C8A: variants seen among roughly 807,000 people sequenced by gnomAD.
The protein encoded by C8A is complement C8 alpha chain.
Under a neutral mutation model 65.3 loss-of-function variants are expected in C8A, and 67 were observed. That is an observed-to-expected ratio of 1.03 (90% CI 0.84 to 1.26). The LOEUF (loss-of-function observed/expected upper bound fraction) is 1.26, where lower values mean the gene tolerates loss of function less well. C8A is among the 50% of genes most tolerant of loss of function. The pLI is 0.00. For missense variants in C8A, 781 were observed against 723.9 expected (o/e 1.08, Z -0.90); for synonymous variants, 290 against 259.4 (o/e 1.12, Z -1.13).
chr1:56,860,301 A>T (rs1396903506), intron 1 of C8A, among the ~76,000 whole-genome samples: 1 of 152,126 alleles, frequency 6.6e-6, no homozygotes, highest in African/African-American at 2.4e-5. Context: ...ATGTTTGAGA[A>T]CTGAAGGATG....
intron 7 of C8A, among the ~76,000 whole-genome samples, chr1:56,898,474 T>C (rs1223107027): frequency 1.3e-5 from 2 of 152,140 alleles, no homozygotes; most frequent in African/African-American, 4.8e-5. Context: ...TCTCCTTGAT[T>C]TGCATATGCT....
intron 7 of C8A, among the ~76,000 whole-genome samples, chr1:56,891,966 A>AT (rs1020486941): frequency 2.8e-4 from 43 of 152,224 alleles, no homozygotes; most frequent in African/African-American, 1.0e-3. Flanking sequence ...TCCTTGGGGT[A>AT]TTTTTTGTAT....
chr1:56,906,133 A>T (rs929804483), intron 7 of C8A, among the ~76,000 whole-genome samples: 2 of 152,208 alleles, frequency 1.3e-5, no homozygotes, highest in African/African-American at 4.8e-5. Flanking sequence ...AATTGTGATG[A>T]AGATGATCAT....
Position 56,912,439 on chromosome 1 carries a change from C to G in C8A, c.1417C>G (p.Leu473Val). The G allele has an allele frequency of 3.1e-6, 5 of 1,614,216 alleles. No individual in the cohort carries two copies. The highest frequency in any genetic ancestry group is 1.3e-5 in the African/African-American group (1 of 75,072). ...PIHEVLRHTS[L>V]GPLEAKRQNL... Reference sequence around the variant, plus strand: ...CCACGAGGTGCTGCGGCACACAAGCCTGGGGCCTCTGGAGGCCAAGCGCCA... The same window carrying G: ...CCACGAGGTGCTGCGGCACACAAGCGTGGGGCCTCTGGAGGCCAAGCGCCA... The change falls in exon 10 of 11, where the codon CTG becomes GTG. Residue 473 changes from leucine (L) to valine (V), a missense_variant. Coordinates refer to ENST00000361249, the MANE Select transcript of C8A (RefSeq NM_000562.3).
In C8A at chr1:56,918,038, G is replaced by A. The variant is rs1485593489; in HGVS notation, c.*322G>A. The A allele has an allele frequency of 3.7e-6, 1 of 267,004 alleles. No homozygotes were observed. Among genetic ancestry groups the A allele is most frequent in the Non-Finnish European group, 7.2e-6 (1 of 138,724 alleles). The allele number at this position is 267,004 out of a possible 1,614,324, so 16.5% of individuals were successfully genotyped here. A position where few individuals can be genotyped will look rare whatever the true frequency, so the allele number is the denominator to read the frequency against. Reference sequence around the variant, plus strand: ...AATCCATGACCAGGGAGAACTTACAGGATGTTAGAGACAAAACAAGCAGAC... The same window carrying A: ...AATCCATGACCAGGGAGAACTTACAAGATGTTAGAGACAAAACAAGCAGAC... On this transcript the variant is annotated 3_prime_UTR_variant, in exon 11 of 11. Coordinates refer to ENST00000361249, the MANE Select transcript of C8A (RefSeq NM_000562.3).
At position 56,881,478 on chromosome 1, in the gene C8A, T is replaced by C; in HGVS notation, c.498T>C (p.Ser166=). Residue 166 remains serine, a synonymous_variant, in exon 5 of 11, where the codon AGT becomes AGC. Coordinates refer to ENST00000361249, the MANE Select transcript of C8A (RefSeq NM_000562.3). ...TCCTGACCCAGGAAGATGCTCAGAG[T>C]GTGTACGATGCCAGTTATTATGGGG... ...YNILTQEDAQ[S]VYDASYYGGQ... The C allele has an allele frequency of 1.2e-6, 2 of 1,613,600 alleles. No homozygotes were observed. The highest frequency in any genetic ancestry group is 2.2e-5 in the South Asian group (2 of 91,058).
chr1:56,899,704 CA>C (rs2101282296), intron 7 of C8A, among the ~76,000 whole-genome samples: 1 of 152,274 alleles, frequency 6.6e-6, no homozygotes, highest in East Asian at 1.9e-4. Context: ...AATCAGGAGC[CA>C]AAAGCCTCAG....
rs1644264572 is a variant in C8A at position 56,883,546 on chromosome 1, TA to T, written c.726del (p.Asp243ThrfsTer8). The stretch of plus-strand genomic sequence containing the variant: ...ATGCAAATGACCTTCTTTCCAAAGT[TA>T]AAAAAGACAAGTCTGACTCATTTGG... ...DNANDLLSKV[K>X]KDKSDSFGVT... On this transcript the variant is annotated frameshift_variant, in exon 6 of 11. Coordinates refer to ENST00000361249, the MANE Select transcript of C8A (RefSeq NM_000562.3). LOFTEE classifies it high-confidence loss of function. 1 of 1,613,996 alleles carries T rather than the reference TA, an allele frequency of 6.2e-7. No individual in the cohort carries two copies. Among genetic ancestry groups the T allele is most frequent in the Non-Finnish European group, 8.5e-7 (1 of 1,179,940 alleles).
At position 56,865,650 on chromosome 1, in the gene C8A, T is replaced by A. The variant is rs1001096530; in HGVS notation, c.78-1959T>A. Reference sequence around the variant, plus strand: ...AAAAAACTACCAAACTATGGTTATTTGGGCTTAGATATTTGGCATGCATTG... The same window carrying A: ...AAAAAACTACCAAACTATGGTTATTAGGGCTTAGATATTTGGCATGCATTG... On this transcript the variant is annotated intron_variant, in intron 1 of 10. Coordinates refer to ENST00000361249, the MANE Select transcript of C8A (RefSeq NM_000562.3). Among the ~76,000 whole-genome samples the A allele has an allele frequency of 2.0e-5, 3 of 152,318 alleles. No homozygotes were observed. The East Asian group carries it at 5.8e-4, about 29-fold the overall frequency.
At chr1:56,894,949 A>G (rs1413032178) in intron 7 of C8A, among the ~76,000 whole-genome samples, 1 of 152,066 alleles carries the variant, frequency 6.6e-6, no homozygotes, top group Non-Finnish European at 1.5e-5. Context: ...GTTTTAATAC[A>G]ATGTTTTTGC....
At chr1:56,868,495 A>G (rs1355185843) in intron 2 of C8A, among the ~76,000 whole-genome samples, 2 of 151,758 alleles carry the variant, frequency 1.3e-5, no homozygotes, top group Non-Finnish European at 2.9e-5. Flanking sequence ...GTGCACACCC[A>G]CAGTCCCAGC....
chr1:56,860,950 T>C (rs1644028032), intron 1 of C8A, among the ~76,000 whole-genome samples: 1 of 152,124 alleles, frequency 6.6e-6, no homozygotes, highest in Non-Finnish European at 1.5e-5. Flanking sequence ...AAGAAAAAAG[T>C]GGTTCACAGA....
In C8A at chr1:56,883,441, C is replaced by G. The variant is rs116563412; in HGVS notation, c.655-40C>G. 2,378 of 1,517,332 alleles carry G rather than the reference C, an allele frequency of 1.6e-3. 44 individuals are homozygous for G. The African/African-American group carries it at 0.029, about 18-fold the overall frequency. The allele number at this position is 1,517,332 out of a possible 1,614,324, so 94.0% of individuals were successfully genotyped here. A position where few individuals can be genotyped will look rare whatever the true frequency, so the allele number is the denominator to read the frequency against. ...ATTAAATATGAATTGAGAAATGGCT[C>G]TATGTGCACAAAGCTAATATCTATC... On this transcript the variant is annotated intron_variant, in intron 5 of 10. Transcript: ENST00000361249.
At chr1:56,874,899 G>A in intron 2 of C8A, 50 bp from the exon 3 acceptor site, 2 of 1,603,882 alleles carry the variant, frequency 1.2e-6, no homozygotes, top group Non-Finnish European at 1.7e-6. Context: ...AGTCTTGGTT[G>A]ATTGATTGAT....
At chr1:56,859,702 A>G (rs954911772) in intron 1 of C8A, among the ~76,000 whole-genome samples, 1 of 152,214 alleles carries the variant, frequency 6.6e-6, no homozygotes, top group African/African-American at 2.4e-5. Flanking sequence ...TGAACAGATA[A>G]TGTTTCAACA....
chr1:56,903,091 T>C (rs572193373), intron 7 of C8A, among the ~76,000 whole-genome samples: 1 of 152,286 alleles, frequency 6.6e-6, no homozygotes, highest in Admixed American at 6.5e-5. Context: ...TGGTATTTTG[T>C]CTGTAGGGTA....
At chr1:56,855,046 T>A in intron 1 of C8A, 68 bp downstream of exon 1, 1 of 1,164,052 alleles carries the variant, frequency 8.6e-7, no homozygotes, top group African/African-American at 1.5e-5. Flanking sequence ...TAAGACACTT[T>A]TATGTTTGCA....
chr1:56,907,980 T>C lies in C8A; in HGVS notation c.1247T>C (p.Val416Ala). 1 of 1,614,210 alleles carries C rather than the reference T, an allele frequency of 6.2e-7. No homozygotes were observed. The highest frequency in any genetic ancestry group is 1.1e-5 in the South Asian group (1 of 91,084). Residue 416 changes from valine (V) to alanine (A), a missense_variant, in exon 9 of 11, where the codon GTG (valine) becomes GCG (alanine). Transcript: ENST00000361249. The part of the protein sequence containing the change: ...KTERARKAMA[V>A]EDIISRVRGG... ...GAAAGGGCCAGGAAGGCCATGGCTG[T>C]GGAAGACATTATTTCTCGGGTGCGA...
At chr1:56,881,889 A>T (rs1221275613) in intron 5 of C8A, among the ~76,000 whole-genome samples, 2 of 152,154 alleles carry the variant, frequency 1.3e-5, no homozygotes, top group Non-Finnish European at 2.9e-5. Context: ...AGGCTCTATT[A>T]TCTGGGCTGC....
Sources: gnomAD v4.1 joint callset for allele counts (sites outside exome capture counted in the v4.1 genomes callset) on GRCh38, gnomAD v4.1.1 for gene constraint, MANE v1.5 for transcripts, NCBI Gene and HGNC (gene_info 2026-07-23, HGNC 2026-07-21) for gene names.